Variants in AHNAK2 observed in about 807,000 individuals in gnomAD.
The protein encoded by AHNAK2 is protein AHNAK2.
Under a neutral mutation model 30.7 loss-of-function variants are expected in AHNAK2, and 18 were observed. The ratio of observed to expected loss-of-function variants is 0.59; its 90% confidence interval spans 0.41 to 0.87. The LOEUF (loss-of-function observed/expected upper bound fraction) is 0.87. Ranked by LOEUF, AHNAK2 falls within the 40% of genes least tolerant of loss-of-function variation. The pLI, the probability that AHNAK2 is intolerant of heterozygous loss-of-function variation, is 0.00. For missense variants in AHNAK2, 8,604 were observed against 7,373.0 expected (o/e 1.17, Z -6.11); for synonymous variants, 3,590 against 3,073.8 (o/e 1.17, Z -5.56).
Position 104,949,352 on chromosome 14 carries a change from G to T in AHNAK2, c.6099C>A (p.Thr2033=), listed in dbSNP as rs753701760. Residue 2033 remains threonine, a synonymous_variant, in exon 7 of 7, where the codon ACC becomes ACA. Transcript: ENST00000333244. The stretch of plus-strand genomic sequence containing the variant: ...AAGGGGGCTGAATGCTGAGGTCAGT[G>T]GTCTTCAGGTCCCCCTGCATGGAGG... ...SLPSMQGDLK[T]TDLSIQPPSA... The T allele has an allele frequency of 1.0e-5, 16 of 1,565,886 alleles. No individual in the cohort carries two copies. In the South Asian group the frequency reaches 1.7e-4, roughly 16 times the overall value.
Position 104,938,163 on chromosome 14 carries a change from A to G in AHNAK2, c.17288T>C (p.Met5763Thr), listed in dbSNP as rs771560731. 3 of 1,613,860 alleles carry G rather than the reference A, an allele frequency of 1.9e-6. No homozygotes were observed. The highest frequency in any genetic ancestry group is 2.2e-5 in the South Asian group (2 of 91,064). Residue 5763 changes from methionine to threonine, a missense_variant, in exon 7 of 7, where the codon ATG becomes ACG. By Grantham distance (81) the Met-to-Thr change is moderately conservative (BLOSUM62 -1). Transcript: ENST00000333244. Reference sequence around the variant, plus strand: ...CTCTGTTCTTGCCGCGGATGTCACCATCACTCTGGAGTCCAGCCCAGTGCC... The same window carrying G: ...CTCTGTTCTTGCCGCGGATGTCACCGTCACTCTGGAGTCCAGCCCAGTGCC... ...PVGTGLDSRV[M>T]VTSAARTELI... is the part of the protein sequence containing the mutation.
In AHNAK2 at chr14:104,966,304, G is replaced by A. The variant is rs555743231; in HGVS notation, c.56-8632C>T. Among the ~76,000 whole-genome samples, 97 of 151,842 alleles carry A rather than the reference G, an allele frequency of 6.4e-4. 1 individual carries two copies. Among genetic ancestry groups the A allele is most frequent in the African/African-American group, 2.2e-3 (93 of 41,356 alleles). On this transcript the variant is annotated intron_variant, in intron 1 of 6. Transcript: ENST00000333244. This position sits in a 1 kb window ranked among gnomAD's most constrained non-coding sequence, Gnocchi z 4.3. ...ACCCCCCAGCAGAGCCACAACCTCC[G>A]TTTCCCCCACCTGCCAAACCAGCCT...
At position 104,948,810 on chromosome 14, in the gene AHNAK2, G is replaced by A. The variant is rs751451433; in HGVS notation, c.6641C>T (p.Ala2214Val). Residue 2214 changes from alanine (A) to valine (V), a missense_variant, in exon 7 of 7, where the codon GCT becomes GTT. Transcript: ENST00000333244. ...CAGGAGTTTCACGTCCACCTGGCCA[G>A]CCTGGACCTTCACGTCGGCGGAAAG... ...QPLSADVKVQ[A>V]GQVDVKLLEG... 2.5e-6 allele frequency: 4 copies of A among 1,612,616 alleles called. No individual in the cohort carries two copies. The Admixed American group carries it at 6.7e-5, about 27-fold the overall frequency.
rs1187995277 is a variant in AHNAK2 at position 104,956,106 on chromosome 14, G to A, written c.316-473C>T. ...CGAGACCTGGGACAGGATGGGGCCT[G>A]TGTCCTGCAGAGCTCTTGGACTGCT... is the stretch of plus-strand genomic sequence containing the variant. On this transcript the variant is annotated intron_variant, in intron 4 of 6. Coordinates refer to ENST00000333244, the MANE Select transcript of AHNAK2 (RefSeq NM_138420.4). Among the ~76,000 whole-genome samples, 4 of 152,288 alleles carry A rather than the reference G, an allele frequency of 2.6e-5. No individual in the cohort carries two copies. In the East Asian group the frequency reaches 5.8e-4, roughly 22 times the overall value.
At position 104,948,287 on chromosome 14, in the gene AHNAK2, C is replaced by G; in HGVS notation, c.7164G>C (p.Glu2388Asp). 6.2e-7 allele frequency: 1 copy of G among 1,612,522 alleles called. No homozygotes were observed. The highest frequency in any genetic ancestry group is 8.5e-7 in the Non-Finnish European group (1 of 1,179,562). ...GGCCGGCTCCCTCCGGCACGGGGCCCTCTGGGAGTTTCACATCCACTTGGC... is the reference window on the plus strand; with the variant it reads ...GGCCGGCTCCCTCCGGCACGGGGCCGTCTGGGAGTTTCACATCCACTTGGC... ...QAGQVDVKLP[E>D]GPVPEGAGLK... The change falls in exon 7 of 7, where the codon GAG becomes GAC. Residue 2388 changes from glutamate to aspartate, a missense_variant. Glu to Asp is a conservative substitution (Grantham distance 45). Coordinates refer to ENST00000333244, the MANE Select transcript of AHNAK2 (RefSeq NM_138420.4).
rs1351797262 is a variant in AHNAK2, at chr14:104,949,544, C to T, written c.5907G>A (p.Arg1969=). 1 of 1,587,282 alleles carries T rather than the reference C, an allele frequency of 6.3e-7. No individual in the cohort carries two copies. Among genetic ancestry groups the T allele is most frequent in the Admixed American group, 1.7e-5 (1 of 57,464 alleles). The part of the protein sequence containing the change: ...QAQKAKLDGA[R]LEGDLSLADK... ...CGGCCAGGGACAGGTCTCCCTCCAG[C>T]CGCGCACCATCCAGCTTAGCCTTCT... The change falls in exon 7 of 7, where the codon CGG becomes CGA. Residue 1969 remains arginine, a synonymous_variant. Transcript: ENST00000333244.
Position 104,948,299 on chromosome 14 carries a change from C to A in AHNAK2, c.7152G>T (p.Val2384=). The stretch of plus-strand genomic sequence containing the variant: ...CCGGCACGGGGCCCTCTGGGAGTTT[C>A]ACATCCACTTGGCCAGCCTGGACCT... ...DLEVQAGQVD[V]KLPEGPVPEG... is the part of the protein sequence containing the mutation. Residue 2384 remains valine, a synonymous_variant, in exon 7 of 7, where the codon GTG becomes GTT. Coordinates refer to ENST00000333244, the MANE Select transcript of AHNAK2 (RefSeq NM_138420.4). The A allele has an allele frequency of 6.2e-7, 1 of 1,612,446 alleles. No homozygotes were observed. Among genetic ancestry groups the A allele is most frequent in the South Asian group, 1.1e-5 (1 of 91,028 alleles).
intron 1 of AHNAK2, among the ~76,000 whole-genome samples, chr14:104,960,126 A>C (rs1489274698): frequency 3.9e-5 from 6 of 152,244 alleles, no homozygotes; most frequent in Non-Finnish European, 8.8e-5. Context: ...ATCATCTGTG[A>C]ACCACTTATA....
In AHNAK2 at chr14:104,942,080, A is replaced by C. The variant is rs1566897912; in HGVS notation, c.13371T>G (p.Thr4457=). 6 of 1,612,236 alleles carry C rather than the reference A, an allele frequency of 3.7e-6. No individual in the cohort carries two copies. The highest frequency in any genetic ancestry group is 1.3e-5 in the African/African-American group (1 of 74,366). The part of the protein sequence containing the change: ...GDLSLADKDV[T]AKDSKFKMPK... ...GCATTTTGAACTTGCTGTCTTTGGC[A>C]GTCACGTCCTTGTCAGCCAGGGACA... The change falls in exon 7 of 7, where the codon ACT becomes ACG. Residue 4457 remains threonine (T), a synonymous_variant. Coordinates refer to ENST00000333244, the MANE Select transcript of AHNAK2 (RefSeq NM_138420.4).
intron 1 of AHNAK2, among the ~76,000 whole-genome samples, chr14:104,972,979 C>A (rs1229810690): frequency 6.6e-6 from 1 of 152,218 alleles, no homozygotes; most frequent in East Asian, 1.9e-4. Context: ...TTCACACCTG[C>A]CCCTGTTGCT....
chr14:104,940,108 G>A lies in AHNAK2; in HGVS notation c.15343C>T (p.Gln5115Ter). 5 of 1,613,260 alleles carry A rather than the reference G, an allele frequency of 3.1e-6. No individual in the cohort carries two copies. Among genetic ancestry groups the A allele is most frequent in the Non-Finnish European group, 4.2e-6 (5 of 1,179,888 alleles). ...RSSKAKVEVS[Q>*]PEADLPLPKH... ...GGAAGAGGCAGGTCAGCTTCAGGCT[G>A]GCTCACCTCCACCTTGGCCTTGGAG... Residue 5115 changes from glutamine to a stop codon, truncating the protein, a stop_gained, in exon 7 of 7, where the codon CAG (glutamine) becomes TAG (stop). Coordinates refer to ENST00000333244, the MANE Select transcript of AHNAK2 (RefSeq NM_138420.4). LOFTEE classifies it low-confidence loss of function (END_TRUNC). This position sits in a 1 kb window ranked among gnomAD's most constrained non-coding sequence, Gnocchi z 4.4.
At position 104,949,377 on chromosome 14, in the gene AHNAK2, G is replaced by C. The variant is rs1216798824; in HGVS notation, c.6074C>G (p.Pro2025Arg). ...APKVEADVSL[P>R]SMQGDLKTTD... Reference sequence around the variant, plus strand: ...GGTCTTCAGGTCCCCCTGCATGGAGGGGAGACTCACGTCGGCCTCCACCTT... The same window carrying C: ...GGTCTTCAGGTCCCCCTGCATGGAGCGGAGACTCACGTCGGCCTCCACCTT... The change falls in exon 7 of 7, where the codon CCC becomes CGC. Residue 2025 changes from proline to arginine, a missense_variant. Transcript: ENST00000333244. 1 of 1,579,242 alleles carries C rather than the reference G, an allele frequency of 6.3e-7. No homozygotes were observed.
chr14:104,948,033 T>A lies in AHNAK2; in HGVS notation c.7418A>T (p.Asp2473Val). The A allele has an allele frequency of 6.2e-7, 1 of 1,612,570 alleles. No individual in the cohort carries two copies. Among genetic ancestry groups the A allele is most frequent in the Non-Finnish European group, 8.5e-7 (1 of 1,179,576 alleles). The stretch of plus-strand genomic sequence containing the variant: ...GCTGTCTTTGGTAGTCACATCCTTG[T>A]CCGCCACAGACAGGTCCCCCTCCAG... ...AWLEGDLSVA[D>V]KDVTTKDSRF... is the part of the protein sequence containing the mutation. Residue 2473 changes from aspartate to valine, a missense_variant, in exon 7 of 7, where the codon GAC (aspartate) becomes GTC (valine). By Grantham distance (152) the Asp-to-Val change is radical. Transcript: ENST00000333244.
At position 104,947,816 on chromosome 14, in the gene AHNAK2, G is replaced by T. The variant is rs762239332; in HGVS notation, c.7635C>A (p.Gly2545=). Residue 2545 remains glycine, a synonymous_variant, in exon 7 of 7, where the codon GGC becomes GGA. Coordinates refer to ENST00000333244, the MANE Select transcript of AHNAK2 (RefSeq NM_138420.4). ...PPSADLEVQA[G]QVDVKLPEGP... Reference sequence around the variant, plus strand: ...CCTCTGGGAGTTTCACGTCCACTTGGCCAGCCTGGACCTCCAGGTCAGCGG... The same window carrying T: ...CCTCTGGGAGTTTCACGTCCACTTGTCCAGCCTGGACCTCCAGGTCAGCGG... 1.1e-5 allele frequency: 18 copies of T among 1,612,584 alleles called. No homozygotes were observed. The South Asian group carries it at 1.8e-4, about 16-fold the overall frequency.
rs145652874 is a variant in AHNAK2, at chr14:104,950,043, A to G, written c.5408T>C (p.Val1803Ala). The G allele has an allele frequency of 1.5e-3, 2,293 of 1,571,738 alleles. 271 individuals carry two copies. The African/African-American group carries it at 0.02, about 14-fold the overall frequency. ...VEAPGAKLDSVRLEGDLSLAD... is the reference protein window; with the variant it reads ...VEAPGAKLDSARLEGDLSLAD... The stretch of plus-strand genomic sequence containing the variant: ...CAGGGACAGGTCACCCTCCAGCCGC[A>G]CACTGTCCAGCTTGGCTCCTGGAGC... The change falls in exon 7 of 7, where the codon GTG (valine) becomes GCG (alanine). Residue 1803 changes from valine (V) to alanine (A), a missense_variant. Coordinates refer to ENST00000333244, the MANE Select transcript of AHNAK2 (RefSeq NM_138420.4).
chr14:104,942,272 T>G lies in AHNAK2; in HGVS notation c.13179A>C (p.Lys4393Asn), dbSNP rs769283873. Residue 4393 changes from lysine (K) to asparagine (N), a missense_variant, in exon 7 of 7, where the codon AAA (lysine) becomes AAC (asparagine). Lys to Asn is a moderately conservative substitution (Grantham distance 94). Transcript: ENST00000333244. Reference protein sequence around the residue: ...KLQMPSFKVPKVDLKGPQIDV... With the variant: ...KLQMPSFKVPNVDLKGPQIDV... ...CTATCTGGGGACCCTTGAGGTCCACTTTGGGTACCTTGAAACTGGGCATCT... is the reference window on the plus strand; with the variant it reads ...CTATCTGGGGACCCTTGAGGTCCACGTTGGGTACCTTGAAACTGGGCATCT... The G allele has an allele frequency of 6.2e-7, 1 of 1,613,112 alleles. No homozygotes were observed. The highest frequency in any genetic ancestry group is 8.5e-7 in the Non-Finnish European group (1 of 1,179,754).
At position 104,940,397 on chromosome 14, in the gene AHNAK2, C is replaced by T; in HGVS notation, c.15054G>A (p.Lys5018=). The change falls in exon 7 of 7, where the codon AAG becomes AAA. Residue 5018 remains lysine, a synonymous_variant. Coordinates refer to ENST00000333244, the MANE Select transcript of AHNAK2 (RefSeq NM_138420.4). This position sits in a 1 kb window ranked among gnomAD's most constrained non-coding sequence, Gnocchi z 4.4. ...CAAGTTTTGGCATGGCAAAGCCAGG[C>T]TTTGTGCTCCTCCCCTTCTCTCCAT... ...ERDGEKGRST[K]PGFAMPKLAL... 1 of 1,613,922 alleles carries T rather than the reference C, an allele frequency of 6.2e-7. No homozygotes were observed. Among genetic ancestry groups the T allele is most frequent in the Non-Finnish European group, 8.5e-7 (1 of 1,179,884 alleles).
chr14:104,937,968 A>G lies in AHNAK2; in HGVS notation c.*95T>C. ...CCGTTCTGTGAAGTGAGGTGGATGT[A>G]ATGTGCTGTGGGATGGGGTGCTCCA... On this transcript the variant is annotated 3_prime_UTR_variant, in exon 7 of 7. Transcript: ENST00000333244. 2 of 1,297,756 alleles carry G rather than the reference A, an allele frequency of 1.5e-6. No homozygotes were observed. Among genetic ancestry groups the G allele is most frequent in the Non-Finnish European group, 2.1e-6 (2 of 937,840 alleles). 80.4% of individuals were successfully genotyped at this position (1,297,756 alleles called of 1,614,324 possible). A position where few individuals can be genotyped will look rare whatever the true frequency, so the allele number is the denominator to read the frequency against.
At position 104,944,836 on chromosome 14, in the gene AHNAK2, C is replaced by A; in HGVS notation, c.10615G>T (p.Val3539Leu). The change falls in exon 7 of 7, where the codon GTG (valine) becomes TTG (leucine). Residue 3539 changes from valine to leucine, a missense_variant. Transcript: ENST00000333244. ...GGCACGGGGCCCTCCAGGAGTTCCACATCCACTTGGACAGCCTGGACCTCC... is the reference window on the plus strand; with the variant it reads ...GGCACGGGGCCCTCCAGGAGTTCCAAATCCACTTGGACAGCCTGGACCTCC... Reference protein sequence around the residue: ...DLEVQAVQVDVELLEGPVPEG... With the variant: ...DLEVQAVQVDLELLEGPVPEG... 1 of 1,612,710 alleles carries A rather than the reference C, an allele frequency of 6.2e-7. No homozygotes were observed. The highest frequency in any genetic ancestry group is 8.5e-7 in the Non-Finnish European group (1 of 1,179,528).
Sources: allele counts gnomAD v4.1 joint callset (sites outside exome capture counted in the v4.1 genomes callset), GRCh38; gene constraint gnomAD v4.1.1; non-coding constraint Gnocchi (gnomAD v3.1); transcripts MANE v1.5; gene names NCBI Gene and HGNC (gene_info 2026-07-23, HGNC 2026-07-21).